Variants in SFMBT2 observed in about 807,000 individuals in gnomAD.
SFMBT2 encodes the protein scm-like with four MBT domains protein 2.
SFMBT2 carries 38 observed loss-of-function variants against 110.1 expected under a neutral mutation model. The ratio of observed to expected loss-of-function variants is 0.35; its 90% CI spans 0.27 to 0.45. The LOEUF (loss-of-function observed/expected upper bound fraction) is 0.45, where lower values mean the gene tolerates loss of function less well. SFMBT2 is among the 20% of genes least tolerant of loss of function. The pLI is 1.00. For synonymous variants in SFMBT2, 425 were observed against 425.4 expected (o/e 1.00, Z 0.01); for missense variants, 1,011 against 1,094.9 (o/e 0.92, Z 1.08).
rs867055406 is a variant in SFMBT2 at position 7,290,167 on chromosome 10, G to A, written c.437-4213C>T. 2.6e-5 allele frequency among the ~76,000 whole-genome samples: 4 copies of A among 151,710 alleles called. No individual in the cohort carries two copies. In the South Asian group the frequency reaches 8.3e-4, roughly 32 times the overall value. On this transcript the variant is annotated intron_variant, in intron 4 of 20. Coordinates refer to ENST00000397167, the MANE Select transcript of SFMBT2 (RefSeq NM_001387889.1). ...AAATGATCAGGGAGAAAAACACTCT[G>A]CAATTTCAGGTGGAGGAAGGTTTAC... is the stretch of plus-strand genomic sequence containing the variant.
At chr10:7,190,456 A>G (rs1588783793) in intron 15 of SFMBT2, among the ~76,000 whole-genome samples, 1 of 152,238 alleles carries the variant, frequency 6.6e-6, no homozygotes, top group Non-Finnish European at 1.5e-5. Flanking sequence ...AGTTCAATTC[A>G]GCCTGGGAGC....
intron 4 of SFMBT2, among the ~76,000 whole-genome samples, chr10:7,335,430 A>G (rs1843689290): frequency 6.6e-6 from 1 of 152,190 alleles, no homozygotes; most frequent in South Asian, 2.1e-4. Flanking sequence ...GAACAGCATT[A>G]CTTGGTGACC....
Position 7,248,530 on chromosome 10 carries a change from C to T in SFMBT2, c.972+18G>A, listed in dbSNP as rs369212212. 121 of 1,605,394 alleles carry T rather than the reference C, an allele frequency of 7.5e-5. No individual in the cohort carries two copies. The highest frequency in any genetic ancestry group is 4.9e-4 in the Middle Eastern group (3 of 6,068). On this transcript the variant is annotated intron_variant, in intron 8 of 20. Coordinates refer to ENST00000397167, the MANE Select transcript of SFMBT2 (RefSeq NM_001387889.1). The stretch of plus-strand genomic sequence containing the variant: ...CCACTCTAGGGGCTGGGTCGAAGAG[C>T]GAGGGAGGAAAACCCACCTTAGTCA...
rs1845865485 is a variant in SFMBT2 at position 7,394,431 on chromosome 10, A to G, written c.-51-12482T>C. Among the ~76,000 whole-genome samples, 9 of 146,760 alleles carry G rather than the reference A, an allele frequency of 6.1e-5. 1 individual carries two copies. In the South Asian group the frequency reaches 1.8e-3, roughly 29 times the overall value. ...GCCGACTGTTCTGGCATTCCTCTCCACTCTCTGGGGAACACGCCACTTCCT... is the reference window on the plus strand; with the variant it reads ...GCCGACTGTTCTGGCATTCCTCTCCGCTCTCTGGGGAACACGCCACTTCCT... On this transcript the variant is annotated intron_variant, in intron 1 of 20. Coordinates refer to ENST00000397167, the MANE Select transcript of SFMBT2 (RefSeq NM_001387889.1).
At chr10:7,326,813 C>G (rs1264396533) in intron 4 of SFMBT2, among the ~76,000 whole-genome samples, 1 of 152,112 alleles carries the variant, frequency 6.6e-6, no homozygotes, top group East Asian at 1.9e-4. Flanking sequence ...TCAAGTCAAG[C>G]CTTTGTTTCC....
intron 9 of SFMBT2, among the ~76,000 whole-genome samples, chr10:7,234,848 G>A (rs1294693778): frequency 1.3e-5 from 2 of 152,222 alleles, no homozygotes; most frequent in African/African-American, 4.8e-5. Flanking sequence ...GCAGTGAGCA[G>A]CTCACAGAGG....
intron 20 of SFMBT2, among the ~76,000 whole-genome samples, chr10:7,169,436 T>C (rs1179368063): frequency 6.6e-6 from 1 of 152,208 alleles, no homozygotes; most frequent in South Asian, 2.1e-4. Flanking sequence ...CATTGCTGCA[T>C]GAACTTGGGA....
At chr10:7,399,378 G>A (rs1023872798) in intron 1 of SFMBT2, among the ~76,000 whole-genome samples, 8 of 152,134 alleles carry the variant, frequency 5.3e-5, no homozygotes, top group Admixed American at 2.6e-4. Context: ...GATTACAGGC[G>A]CCCACCACTA....
chr10:7,197,493 A>G (rs1588792792), intron 15 of SFMBT2, 55 bp downstream of exon 15: 2 of 1,588,684 alleles, frequency 1.3e-6, no homozygotes, highest in South Asian at 2.3e-5. Flanking sequence ...CTGAGCCCAC[A>G]GCTTTTTAAA....
At position 7,348,542 on chromosome 10, in the gene SFMBT2, T is replaced by C. The variant is rs545421266; in HGVS notation, c.436+19107A>G. Among the ~76,000 whole-genome samples the C allele has an allele frequency of 9.2e-5, 14 of 152,328 alleles. No individual in the cohort carries two copies. In the South Asian group the frequency reaches 2.9e-3, roughly 32 times the overall value. On this transcript the variant is annotated intron_variant, in intron 4 of 20. Coordinates refer to ENST00000397167, the MANE Select transcript of SFMBT2 (RefSeq NM_001387889.1). ...ATAATTAGGAAAACCTTCAAAATCA[T>C]ACTAATCTTCAATTCTTTGATACTT...
At chr10:7,334,260 A>G (rs766887636) in intron 4 of SFMBT2, among the ~76,000 whole-genome samples, 2 of 152,104 alleles carry the variant, frequency 1.3e-5, no homozygotes, top group African/African-American at 2.4e-5. Flanking sequence ...CCCACCGTGC[A>G]GCCTCCGAGA....
At chr10:7,261,464 G>A (rs1841200001) in intron 7 of SFMBT2, among the ~76,000 whole-genome samples, 1 of 152,184 alleles carries the variant, frequency 6.6e-6, no homozygotes, top group Admixed American at 6.5e-5. Flanking sequence ...AGCAATGACT[G>A]AGGATCAGGG....
chr10:7,237,022 C>T (rs1840279032), intron 9 of SFMBT2, among the ~76,000 whole-genome samples: 1 of 152,206 alleles, frequency 6.6e-6, no homozygotes, highest in Non-Finnish European at 1.5e-5. Flanking sequence ...CGAGGAGATC[C>T]ACTTCACTCC....
chr10:7,344,958 C>CAAAAAAAAAAAAAAAAAAAAAAAAAA (rs35145669), intron 4 of SFMBT2, among the ~76,000 whole-genome samples: 1 of 53,244 alleles, frequency 1.9e-5, no homozygotes. Context: ...GACTCTGTCT[C>CAAAAAAAAAAAAAAAAAAAAAAAAAA]AAAAAAAAAA....
chr10:7,254,129 T>C (rs936441297), intron 7 of SFMBT2, among the ~76,000 whole-genome samples: 1 of 152,108 alleles, frequency 6.6e-6, no homozygotes, highest in Non-Finnish European at 1.5e-5. Context: ...AATGCCAAAC[T>C]CCCTCATTTA....
intron 7 of SFMBT2, chr10:7,249,201 C>T (rs964926070): frequency 1.2e-5 from 3 of 244,666 alleles, no homozygotes; most frequent in Non-Finnish European, 2.0e-5. Flanking sequence ...GGTAAGAATC[C>T]AAACCTGCCC....
At chr10:7,248,682 A>T in intron 7 of SFMBT2, 33 bp from the exon 8 acceptor site, 1 of 1,600,360 alleles carries the variant, frequency 6.2e-7, no homozygotes, top group Non-Finnish European at 8.6e-7. Context: ...ATTGAAAGCC[A>T]CGGTATTGTA....
At chr10:7,266,331 C>T (rs1371927970) in intron 7 of SFMBT2, among the ~76,000 whole-genome samples, 1 of 151,270 alleles carries the variant, frequency 6.6e-6, no homozygotes, top group Non-Finnish European at 1.5e-5. Flanking sequence ...CTCAGGTGAT[C>T]CACCCACCTC....
At chr10:7,344,300 T>C (rs574506101) in intron 4 of SFMBT2, among the ~76,000 whole-genome samples, 5 of 152,302 alleles carry the variant, frequency 3.3e-5, no homozygotes, top group African/African-American at 1.2e-4. Context: ...ATAATCCCCA[T>C]GTGTCAAGGG....
Sources: gnomAD v4.1 joint callset for allele counts (sites outside exome capture counted in the v4.1 genomes callset) on GRCh38, gnomAD v4.1.1 for gene constraint, MANE v1.5 for transcripts, NCBI Gene and HGNC (gene_info 2026-07-23, HGNC 2026-07-21) for gene names.